The following CCDC18 variants were observed in gnomAD, a reference collection of about 807,000 sequenced individuals.
CCDC18 encodes the protein coiled-coil domain-containing protein 18.
CCDC18 carries 157 observed loss-of-function variants against 196.0 expected under a neutral mutation model. The observed-to-expected ratio is 0.80, with a 90% CI of 0.70 to 0.91. CCDC18 has a LOEUF of 0.91. CCDC18 is among the 40% of genes least tolerant of loss of function. CCDC18 has a pLI of 0.00. For synonymous variants in CCDC18, 482 were observed against 529.2 expected (o/e 0.91, Z 1.22); for missense variants, 1,465 against 1,611.6 (o/e 0.91, Z 1.56).
chr1:93,252,550 A>G (rs1024390809), intron 23 of CCDC18, among the ~76,000 whole-genome samples: 10 of 151,142 alleles, frequency 6.6e-5, no homozygotes, highest in African/African-American at 2.4e-4. Context: ...GAGTTTGTTG[A>G]ACTTCCTTAA....
intron 4 of CCDC18, chr1:93,191,067 G>A (rs1415444893): frequency 2.0e-5 from 15 of 733,988 alleles, no homozygotes; most frequent in Non-Finnish European, 3.1e-5. Flanking sequence ...CCATGTTTGC[G>A]GGAGTGCTAT....
At chr1:93,243,110 G>A (rs1211971055) in intron 21 of CCDC18, among the ~76,000 whole-genome samples, 2 of 152,192 alleles carry the variant, frequency 1.3e-5, no homozygotes, top group Non-Finnish European at 2.9e-5. Flanking sequence ...GTATGGGGGT[G>A]CCCACCCCAC....
chr1:93,208,840 A>G (rs1655149786), intron 9 of CCDC18, among the ~76,000 whole-genome samples: 1 of 151,304 alleles, frequency 6.6e-6, no homozygotes. Flanking sequence ...TAATTTTTGT[A>G]TTTTTAGTAG....
At chr1:93,199,350 C>T (rs1356647130) in intron 6 of CCDC18, among the ~76,000 whole-genome samples, 4 of 152,216 alleles carry the variant, frequency 2.6e-5, no homozygotes, top group Non-Finnish European at 2.9e-5. Context: ...GGCGCCAGCA[C>T]GGGCGCCAGC....
At chr1:93,180,255 G>T (rs1649293302), upstream of CCDC18, 4 of 1,598,122 alleles carry the variant, frequency 2.5e-6, no homozygotes, top group African/African-American at 2.7e-5. Flanking sequence ...CTGCTGGGGC[G>T]ATCCCGGGCT....
At chr1:93,232,404 G>A (rs572701327) in intron 17 of CCDC18, 22 bp from the exon 18 acceptor site, 23 of 1,311,012 alleles carry the variant, frequency 1.8e-5, no homozygotes, top group Non-Finnish European at 2.3e-5. Flanking sequence ...TGTATTGAGA[G>A]ATATATATAT....
At chr1:93,196,454 C>T (rs1432750406) in intron 6 of CCDC18, among the ~76,000 whole-genome samples, 3 of 152,176 alleles carry the variant, frequency 2.0e-5, no homozygotes, top group African/African-American at 7.2e-5. Flanking sequence ...TAAAATGACT[C>T]ATATAATGTT....
intron 25 of CCDC18, among the ~76,000 whole-genome samples, 183 bp from the exon 26 acceptor site, chr1:93,258,565 C>T (rs766911182): frequency 6.6e-6 from 1 of 152,132 alleles, no homozygotes; most frequent in African/African-American, 2.4e-5. Flanking sequence ...TATATTAATA[C>T]TCTCCCATTA....
In CCDC18 at chr1:93,216,712, C is replaced by A. The variant is rs1396725889; in HGVS notation, c.1796C>A (p.Ala599Asp). The change falls in exon 13 of 29, where the codon GCT (alanine) becomes GAT (aspartate). Residue 599 changes from alanine to aspartate, a missense_variant. Ala to Asp is a moderately radical substitution (Grantham distance 126). Coordinates refer to ENST00000690025, the MANE Select transcript of CCDC18 (RefSeq NM_001378204.1). ...EEKIVAYSSI[A>D]AKNAELEQEL... ...AAGATAGTTGCTTATTCCTCTATTGCTGCAAAAAATGCAGAACTAGAACAG... is the reference window on the plus strand; with the variant it reads ...AAGATAGTTGCTTATTCCTCTATTGATGCAAAAAATGCAGAACTAGAACAG... 1.3e-6 allele frequency: 2 copies of A among 1,585,132 alleles called. No homozygotes were observed. The highest frequency in any genetic ancestry group is 1.8e-5 in the Admixed American group (1 of 54,834).
rs747212748 is a variant in CCDC18 at position 93,203,064 on chromosome 1, T to C, written c.795+1076T>C. On this transcript the variant is annotated intron_variant, in intron 7 of 28. Coordinates refer to ENST00000690025, the MANE Select transcript of CCDC18 (RefSeq NM_001378204.1). ...AGCTCACCCTGATGTCATGTGAAGATGCATTTGAGAGGTGAGAGACAAGTC... is the reference window on the plus strand; with the variant it reads ...AGCTCACCCTGATGTCATGTGAAGACGCATTTGAGAGGTGAGAGACAAGTC... Among the ~76,000 whole-genome samples, 4 of 152,242 alleles carry C rather than the reference T, an allele frequency of 2.6e-5. No homozygotes were observed. The South Asian group carries it at 6.2e-4, about 24-fold the overall frequency.
chr1:93,271,437 C>G, intron 28 of CCDC18: 1 of 985,280 alleles, frequency 1.0e-6, no homozygotes, highest in Non-Finnish European at 1.2e-6. Flanking sequence ...TACTTTCAAG[C>G]CTTTAATATG....
rs1204002131 is a variant in CCDC18 at position 93,226,457 on chromosome 1, A to AT, written c.2292+8_2292+9insT. On this transcript the variant is annotated intron_variant, in intron 17 of 28. Transcript: ENST00000690025. ...AAGAAGAAATCTGAAGAGGTAAATT[A>AT]ACATTTACTTTATATATAGCATATA... 6.5e-6 allele frequency: 8 copies of AT among 1,236,384 alleles called. No homozygotes were observed. Among genetic ancestry groups the AT allele is most frequent in the Non-Finnish European group, 9.5e-6 (8 of 841,548 alleles). The allele number at this position is 1,236,384 out of a possible 1,614,324, so 76.6% of individuals were successfully genotyped here. A position where few individuals can be genotyped will look rare whatever the true frequency, so the allele number is the denominator to read the frequency against.
At chr1:93,195,455 T>C (rs929616326) in intron 6 of CCDC18, among the ~76,000 whole-genome samples, 3 of 152,186 alleles carry the variant, frequency 2.0e-5, no homozygotes, top group Non-Finnish European at 4.4e-5. Flanking sequence ...TGAAGACTCT[T>C]GGAGCTTTTT....
At chr1:93,238,465 C>G (rs1660335579) in intron 19 of CCDC18, among the ~76,000 whole-genome samples, 1 of 152,076 alleles carries the variant, frequency 6.6e-6, no homozygotes, top group African/African-American at 2.4e-5. Flanking sequence ...TTAAAAAACT[C>G]TTGAACAAAT....
At chr1:93,217,911 T>C (rs775594104) in intron 14 of CCDC18, 42 bp downstream of exon 14, 2 of 1,513,446 alleles carry the variant, frequency 1.3e-6, no homozygotes, top group East Asian at 4.5e-5. Context: ...GAAAAGAAAC[T>C]TAAACATTAC....
chr1:93,184,184 T>C (rs917629587), intron 3 of CCDC18, 38 bp downstream of exon 3: 1 of 1,264,976 alleles, frequency 7.9e-7, no homozygotes, highest in African/African-American at 1.5e-5. Context: ...AAAGAAGTTT[T>C]GGTTTTAGGC....
rs552614769 is a variant in CCDC18, at chr1:93,214,661, T to G, written c.1496-82T>G. 25 of 935,444 alleles carry G rather than the reference T, an allele frequency of 2.7e-5. 1 individual carries two copies. The South Asian group carries it at 3.8e-4, about 14-fold the overall frequency. The allele number at this position is 935,444 out of a possible 1,614,324, so 57.9% of individuals were successfully genotyped here. On this transcript the variant is annotated intron_variant, in intron 11 of 28. Transcript: ENST00000690025. Reference sequence around the variant, plus strand: ...TTTAGATCAGAAACTAAACTTTGTTTATGACTAAATCTTTCAACTATTTAA... The same window carrying G: ...TTTAGATCAGAAACTAAACTTTGTTGATGACTAAATCTTTCAACTATTTAA...
intron 28 of CCDC18, chr1:93,271,437 C>T (rs1471725377): frequency 1.0e-6 from 1 of 985,162 alleles, no homozygotes; most frequent in Non-Finnish European, 1.2e-6. Flanking sequence ...TACTTTCAAG[C>T]CTTTAATATG....
chr1:93,273,903 CT>C (rs897393397), intron 28 of CCDC18, among the ~76,000 whole-genome samples: 4 of 152,164 alleles, frequency 2.6e-5, no homozygotes, highest in Admixed American at 6.5e-5. Context: ...TAACAACCCC[CT>C]GATAGGTACT....
Sources: gnomAD v4.1 joint callset for allele counts (sites outside exome capture counted in the v4.1 genomes callset) on GRCh38, gnomAD v4.1.1 for gene constraint, MANE v1.5 for transcripts, NCBI Gene and HGNC (gene_info 2026-07-23, HGNC 2026-07-21) for gene names.